The following CRADD variants were observed in gnomAD, a reference collection of about 807,000 sequenced individuals.
CRADD encodes the protein CARD and death domain containing adaptor protein.
CRADD carries 9 observed loss-of-function variants against 15.5 expected under a neutral mutation model. The ratio of observed to expected loss-of-function variants is 0.58; its 90% CI spans 0.35 to 1.01. The LOEUF (loss-of-function observed/expected upper bound fraction) is 1.01, where lower values mean the gene tolerates loss of function less well. Among genes scored for constraint, CRADD ranks in the 50% least tolerant of loss-of-function variants. The pLI, the probability that CRADD is intolerant of heterozygous loss-of-function variation, is 0.02. For synonymous variants in CRADD, 118 were observed against 107.6 expected (o/e 1.10, Z -0.60); for missense variants, 227 against 250.3 (o/e 0.91, Z 0.63).
chr12:93,769,485 T>C (rs974814406), intron 2 of CRADD, among the ~76,000 whole-genome samples: 3 of 152,240 alleles, frequency 2.0e-5, no homozygotes, highest in African/African-American at 7.2e-5. Context: ...GGCATACGTG[T>C]GCAGTTTTAA....
intron 2 of CRADD, among the ~76,000 whole-genome samples, chr12:93,782,558 C>T (rs1484408727): frequency 1.3e-5 from 2 of 149,298 alleles, no homozygotes; most frequent in Non-Finnish European, 3.0e-5. Context: ...CACGCCACTG[C>T]ACTCCAACCT....
intron 2 of CRADD, among the ~76,000 whole-genome samples, chr12:93,862,845 A>G (rs148340353): frequency 6.7e-4 from 102 of 152,334 alleles, no homozygotes; most frequent in East Asian, 3.5e-3. Context: ...GAGGTAGAGA[A>G]CACTCAACCT....
intron 2 of CRADD, among the ~76,000 whole-genome samples, chr12:93,838,465 C>T (rs1053152671): frequency 2.0e-5 from 3 of 151,814 alleles, no homozygotes; most frequent in African/African-American, 4.8e-5. Flanking sequence ...CCAGGGGTAC[C>T]GTGAGACAGC....
At chr12:93,718,746 A>G (rs542871766) in intron 2 of CRADD, among the ~76,000 whole-genome samples, 2 of 151,426 alleles carry the variant, frequency 1.3e-5, no homozygotes, top group South Asian at 4.2e-4. Flanking sequence ...TCTTAGTGGG[A>G]AAGTCTCAAT....
chr12:93,851,115 T>G (rs1374813961), downstream of CRADD, among the ~76,000 whole-genome samples: 1 of 152,080 alleles, frequency 6.6e-6, no homozygotes, highest in African/African-American at 2.4e-5. Flanking sequence ...TCCTAAGGAG[T>G]ATGATTTAGT....
intron 2 of CRADD, among the ~76,000 whole-genome samples, chr12:93,727,816 C>T (rs1009940218): frequency 3.9e-5 from 6 of 152,100 alleles, no homozygotes; most frequent in East Asian, 1.9e-4. Flanking sequence ...GTATTGATGA[C>T]GTTCTTAAGT....
intron 2 of CRADD, among the ~76,000 whole-genome samples, chr12:93,689,827 G>T (rs1404088012): frequency 6.6e-6 from 1 of 152,226 alleles, no homozygotes; most frequent in Non-Finnish European, 1.5e-5. Flanking sequence ...TGAAGTTGCT[G>T]TGGAGAATTA....
chr12:93,846,168 C>T (rs1398029079), intron 2 of CRADD, among the ~76,000 whole-genome samples: 1 of 152,164 alleles, frequency 6.6e-6, no homozygotes, highest in African/African-American at 2.4e-5. Context: ...TGACATTTTG[C>T]GTATCCATTC....
At chr12:93,814,219 C>T (rs559161016) in intron 2 of CRADD, among the ~76,000 whole-genome samples, 8 of 152,232 alleles carry the variant, frequency 5.3e-5, no homozygotes, top group African/African-American at 1.7e-4. Context: ...AAATTGTTCC[C>T]GCTGAATACA....
At chr12:93,710,505 T>C (rs2196424) in intron 2 of CRADD, among the ~76,000 whole-genome samples, 81,577 of 151,748 alleles carry the variant, frequency 0.54, 22,405 homozygotes, top group East Asian at 0.67. Context: ...ACCACCACAC[T>C]GGCTAAATTC....
At chr12:93,746,700 G>T (rs1427474915) in intron 2 of CRADD, among the ~76,000 whole-genome samples, 1 of 151,976 alleles carries the variant, frequency 6.6e-6, no homozygotes, top group African/African-American at 2.4e-5. Flanking sequence ...TGAACCCAAG[G>T]TTCAAAGAGG....
At chr12:93,703,221 A>T (rs55667424) in intron 2 of CRADD, among the ~76,000 whole-genome samples, 3 of 151,832 alleles carry the variant, frequency 2.0e-5, no homozygotes, top group East Asian at 1.9e-4. Flanking sequence ...GATTTTTTTT[A>T]AAAAGTCCTT....
chr12:93,710,702 C>G (rs1027352737), intron 2 of CRADD, among the ~76,000 whole-genome samples: 17 of 152,052 alleles, frequency 1.1e-4, no homozygotes, highest in Non-Finnish European at 2.1e-4. Flanking sequence ...TCATCACATC[C>G]TATTGGTCAA....
intron 2 of CRADD, chr12:93,815,580 A>C (rs1292769418): frequency 2.0e-5 from 3 of 152,238 alleles, no homozygotes; most frequent in Admixed American, 6.5e-5. Flanking sequence ...ATTTTATACC[A>C]GATTAGTAGA....
chr12:93,761,148 CTG>C (rs1426091553), intron 2 of CRADD, among the ~76,000 whole-genome samples: 4 of 152,160 alleles, frequency 2.6e-5, no homozygotes, highest in Non-Finnish European at 5.9e-5. Flanking sequence ...ATCAGAATCT[CTG>C]TGGACCCAGA....
At chr12:93,866,867 T>A (rs561181227) in intron 2 of CRADD, among the ~76,000 whole-genome samples, 2 of 152,322 alleles carry the variant, frequency 1.3e-5, no homozygotes, top group South Asian at 4.1e-4. Context: ...GGCTTCAACA[T>A]TTAGTATGTA....
chr12:93,819,222 C>T (rs1957742345), intron 2 of CRADD, among the ~76,000 whole-genome samples: 1 of 152,190 alleles, frequency 6.6e-6, no homozygotes, highest in African/African-American at 2.4e-5. Flanking sequence ...AACACAGGGC[C>T]TGGTTCCTGC....
At chr12:93,773,755 C>A (rs186643120) in intron 2 of CRADD, among the ~76,000 whole-genome samples, 6 of 148,998 alleles carry the variant, frequency 4.0e-5, no homozygotes, top group Non-Finnish European at 8.9e-5. Context: ...GGAGGTAGGG[C>A]ACATTGCTTC....
intron 2 of CRADD, among the ~76,000 whole-genome samples, chr12:93,748,181 ATTGT>A (rs1362268639): frequency 6.6e-6 from 1 of 152,178 alleles, no homozygotes. Flanking sequence ...ATCCTTCATC[ATTGT>A]TTGTTGTCCC....
Sources: allele counts gnomAD v4.1 joint callset (sites outside exome capture counted in the v4.1 genomes callset), GRCh38; gene constraint gnomAD v4.1.1; transcripts MANE v1.5; gene names NCBI Gene and HGNC (gene_info 2026-07-23, HGNC 2026-07-21).